KCNMB2: variants seen among roughly 807,000 people sequenced by gnomAD.
KCNMB2 encodes potassium calcium-activated channel subfamily M regulatory beta subunit 2.
A neutral mutation model predicts 24.5 loss-of-function variants in KCNMB2; 9 were observed. The observed-to-expected ratio is 0.37, with a 90% CI of 0.22 to 0.64. The LOEUF is 0.64. Among genes scored for constraint, KCNMB2 ranks in the 30% least tolerant of loss-of-function variants. The pLI is 0.63. For missense variants in KCNMB2, 226 were observed against 284.3 expected (o/e 0.79, Z 1.47); for synonymous variants, 109 against 104.4 (o/e 1.04, Z -0.27).
chr3:178,590,162 T>G (rs915326162), intron 1 of KCNMB2, among the ~76,000 whole-genome samples: 6 of 152,220 alleles, frequency 3.9e-5, no homozygotes, highest in African/African-American at 1.4e-4. Context: ...TTATTCATCT[T>G]CTTCCTCTTA....
intron 4 of KCNMB2, 121 bp downstream of exon 4, chr3:178,828,494 C>T (rs1334477864): frequency 6.1e-6 from 4 of 657,348 alleles, no homozygotes; most frequent in Middle Eastern, 6.0e-4. Flanking sequence ...CAGAGCCTGC[C>T]TCTTCCATTC....
At chr3:178,579,376 A>G (rs974727940) in intron 1 of KCNMB2, among the ~76,000 whole-genome samples, 1 of 152,208 alleles carries the variant, frequency 6.6e-6, no homozygotes, top group African/African-American at 2.4e-5. Flanking sequence ...AGCAGTGTTT[A>G]GAGGGAAATT....
chr3:178,694,455 T>C (rs1235123710), intron 1 of KCNMB2, among the ~76,000 whole-genome samples: 1 of 152,162 alleles, frequency 6.6e-6, no homozygotes, highest in Admixed American at 6.5e-5. Flanking sequence ...ATTCCAGCAT[T>C]AACTCAAAAG....
chr3:178,660,839 C>T lies in KCNMB2; in HGVS notation c.-68+124128C>T, dbSNP rs543156961. 2.2e-4 allele frequency among the ~76,000 whole-genome samples: 34 copies of T among 152,166 alleles called. 1 individual carries two copies. The highest frequency in any genetic ancestry group is 8.2e-4 in the African/African-American group (34 of 41,508). ...AGGGCCTGACACTGACAGTTATTCC[C>T]AGCATTTTCTTCCTACATGGTGATC... On this transcript the variant is annotated intron_variant, in intron 1 of 4. Coordinates refer to ENST00000452583, the MANE Select transcript of KCNMB2 (RefSeq NM_181361.3).
chr3:178,576,537 T>G (rs1716997817), intron 1 of KCNMB2, among the ~76,000 whole-genome samples: 1 of 152,088 alleles, frequency 6.6e-6, no homozygotes, highest in Non-Finnish European at 1.5e-5. Flanking sequence ...GGGAGCCAAG[T>G]GGTCTAGCTC....
chr3:178,619,528 A>C (rs1718833993), intron 1 of KCNMB2, among the ~76,000 whole-genome samples: 1 of 152,178 alleles, frequency 6.6e-6, no homozygotes. Flanking sequence ...GGATAAAATA[A>C]GACTACCTCT....
intron 1 of KCNMB2, among the ~76,000 whole-genome samples, chr3:178,792,345 TAAA>T (rs1260559902): frequency 6.6e-6 from 1 of 152,156 alleles, no homozygotes; most frequent in Non-Finnish European, 1.5e-5. Flanking sequence ...GTTGTCAGCT[TAAA>T]ATAATGGGTT....
intron 1 of KCNMB2, among the ~76,000 whole-genome samples, chr3:178,739,768 G>A (rs1255942642): frequency 6.6e-6 from 1 of 152,180 alleles, no homozygotes; most frequent in Admixed American, 6.5e-5. Context: ...GTGAGAGGTG[G>A]TGCAAGTAGG....
intron 1 of KCNMB2, among the ~76,000 whole-genome samples, chr3:178,660,329 A>T (rs189774895): frequency 1.3e-5 from 2 of 152,246 alleles, no homozygotes; most frequent in East Asian, 3.9e-4. Context: ...ATTATTACGA[A>T]TATTCCCTAT....
At chr3:178,685,454 C>T (rs897429941) in intron 1 of KCNMB2, among the ~76,000 whole-genome samples, 1 of 152,166 alleles carries the variant, frequency 6.6e-6, no homozygotes, top group Non-Finnish European at 1.5e-5. Flanking sequence ...CATGTGGTTA[C>T]AACTACATGT....
At chr3:178,788,745 T>C (rs73882860) in intron 1 of KCNMB2, among the ~76,000 whole-genome samples, 2,854 of 152,300 alleles carry the variant, frequency 0.019, 98 homozygotes, top group African/African-American at 0.065. Flanking sequence ...GTGATGACCA[T>C]AGAAGTGATG....
At chr3:178,808,002 G>C (rs1480410505) in intron 2 of KCNMB2, among the ~76,000 whole-genome samples, 1 of 151,898 alleles carries the variant, frequency 6.6e-6, no homozygotes, top group Non-Finnish European at 1.5e-5. Context: ...TGCATTTCTG[G>C]GCACTGGACA....
At chr3:178,833,271 G>C (rs1715109367) in intron 4 of KCNMB2, among the ~76,000 whole-genome samples, 1 of 152,030 alleles carries the variant, frequency 6.6e-6, no homozygotes, top group Non-Finnish European at 1.5e-5. Context: ...CATAATTCCT[G>C]CTCATAGCTC....
chr3:178,684,534 T>C (rs1453541058), intron 1 of KCNMB2, among the ~76,000 whole-genome samples: 3 of 152,036 alleles, frequency 2.0e-5, no homozygotes, highest in African/African-American at 4.8e-5. Flanking sequence ...TTATTTGAGA[T>C]AATGGGTATG....
At chr3:178,650,037 A>T (rs1180424737) in intron 1 of KCNMB2, among the ~76,000 whole-genome samples, 2 of 152,060 alleles carry the variant, frequency 1.3e-5, no homozygotes, top group African/African-American at 4.8e-5. Flanking sequence ...ATTCTTGTAC[A>T]TTGTGTCTTT....
At chr3:178,747,441 C>T (rs1259173845) in intron 1 of KCNMB2, among the ~76,000 whole-genome samples, 4 of 152,180 alleles carry the variant, frequency 2.6e-5, no homozygotes, top group African/African-American at 7.2e-5. Context: ...TAGCAAAATG[C>T]CAGCCACTGT....
At chr3:178,759,727 C>T (rs36233963) in intron 1 of KCNMB2, among the ~76,000 whole-genome samples, 648 of 50,850 alleles carry the variant, frequency 0.013, 17 homozygotes, top group Non-Finnish European at 0.02. Context: ...GATATATATA[C>T]ACATATATAT....
intron 2 of KCNMB2, among the ~76,000 whole-genome samples, chr3:178,811,967 C>A (rs541003567): frequency 1.0e-3 from 159 of 152,072 alleles, no homozygotes; most frequent in Admixed American, 2.1e-3. Flanking sequence ...TAAATATTTG[C>A]CCCAATTAGG....
chr3:178,682,058 A>G (rs537553095), intron 1 of KCNMB2, among the ~76,000 whole-genome samples: 49 of 152,084 alleles, frequency 3.2e-4, no homozygotes, highest in Non-Finnish European at 6.0e-4. Context: ...CAGTTTTCTA[A>G]ATGTTCCCCA....
Sources: gnomAD v4.1 joint callset for allele counts (sites outside exome capture counted in the v4.1 genomes callset) on GRCh38, gnomAD v4.1.1 for gene constraint, MANE v1.5 for transcripts, NCBI Gene and HGNC (gene_info 2026-07-23, HGNC 2026-07-21) for gene names.